Variants in ABHD5 observed in about 807,000 individuals in gnomAD.
ABHD5 encodes 1-acylglycerol-3-phosphate O-acyltransferase ABHD5.
In ABHD5, 30 loss-of-function variants were observed where a neutral mutation model predicts 44.9. That is an observed-to-expected ratio of 0.67 (90% CI 0.50 to 0.91). ABHD5 has a LOEUF of 0.91. Ranked by LOEUF, ABHD5 falls within the 40% of genes least tolerant of loss-of-function variation. The pLI is 0.00. For synonymous variants in ABHD5, 167 were observed against 147.0 expected, an observed-to-expected ratio of 1.14 and a Z score of -0.99; for missense variants, 399 against 423.4, an observed-to-expected ratio of 0.94 and a Z score of 0.50.
intron 1 of ABHD5, among the ~76,000 whole-genome samples, chr3:43,693,241 C>T (rs1231943338): frequency 6.6e-6 from 1 of 152,168 alleles, no homozygotes; most frequent in Admixed American, 6.5e-5. Flanking sequence ...ACCAGCAAGC[C>T]ATTGCTAAAT....
At chr3:43,726,946 A>T (rs1037945564), downstream of ABHD5, among the ~76,000 whole-genome samples, 1 of 152,176 alleles carries the variant, frequency 6.6e-6, no homozygotes, top group African/African-American at 2.4e-5. Context: ...TTAACTACAT[A>T]TGCTGTCTTT....
In ABHD5 at chr3:43,714,188, G is replaced by A. The variant is rs1173615147; in HGVS notation, c.662-759G>A. ...CTCGCTCTGTCGCCCAGGTTAGAGT[G>A]CAGTGGCGCGATCTTGGCTCACTAC... is the stretch of plus-strand genomic sequence containing the variant. On this transcript the variant is annotated intron_variant, in intron 4 of 6. Transcript: ENST00000644371. 2.1e-5 allele frequency among the ~76,000 whole-genome samples: 3 copies of A among 145,630 alleles called. No homozygotes were observed. In the East Asian group the frequency reaches 6.0e-4, roughly 29 times the overall value.
At chr3:43,708,571 T>A (rs2084650559) in intron 3 of ABHD5, among the ~76,000 whole-genome samples, 1 of 152,214 alleles carries the variant, frequency 6.6e-6, no homozygotes, top group Non-Finnish European at 1.5e-5. Flanking sequence ...TTCCTATTCT[T>A]GCTACTGTAA....
downstream of ABHD5, among the ~76,000 whole-genome samples, chr3:43,725,349 A>G (rs759693089): frequency 2.3e-4 from 35 of 152,184 alleles, no homozygotes; most frequent in Non-Finnish European, 1.0e-4. Flanking sequence ...TTAATTTTTA[A>G]AAATGTTATA....
At chr3:43,714,195 C>T (rs1458169013) in intron 4 of ABHD5, among the ~76,000 whole-genome samples, 4 of 145,684 alleles carry the variant, frequency 2.7e-5, no homozygotes, top group African/African-American at 7.7e-5. Flanking sequence ...AGTGCAGTGG[C>T]GCGATCTTGG....
intron 2 of ABHD5, among the ~76,000 whole-genome samples, chr3:43,701,446 G>A (rs2084541261): frequency 6.6e-6 from 1 of 152,168 alleles, no homozygotes; most frequent in African/African-American, 2.4e-5. Context: ...TATCAAAAAT[G>A]CAGCTGTTCA....
At chr3:43,726,397 C>A (rs2084878193), downstream of ABHD5, among the ~76,000 whole-genome samples, 2 of 152,020 alleles carry the variant, frequency 1.3e-5, no homozygotes, top group African/African-American at 4.8e-5. Context: ...GCACCAGGGT[C>A]AGGGGATATG....
At position 43,711,786 on chromosome 3, in the gene ABHD5, C is replaced by T. The variant is rs2084691533; in HGVS notation, c.584C>T (p.Pro195Leu). ...PDLADQDRPI[P>L]VWIRALGAAL... ...CTTGCTGATCAAGACAGACCAATTC[C>T]AGTTTGGATCAGAGCCTTGGGAGCA... is the stretch of plus-strand genomic sequence containing the variant. Residue 195 changes from proline to leucine, a missense_variant, in exon 4 of 7, where the codon CCA (proline) becomes CTA (leucine). By Grantham distance (98) the Pro-to-Leu change is moderately conservative (BLOSUM62 -3). Transcript: ENST00000644371. The T allele has an allele frequency of 1.9e-6, 3 of 1,614,180 alleles. No homozygotes were observed. Among genetic ancestry groups the T allele is most frequent in the Non-Finnish European group, 2.5e-6 (3 of 1,180,028 alleles).
At chr3:43,691,975 A>C (rs2084397947) in intron 1 of ABHD5, among the ~76,000 whole-genome samples, 1 of 152,210 alleles carries the variant, frequency 6.6e-6, no homozygotes, top group African/African-American at 2.4e-5. Flanking sequence ...TCTACACCTA[A>C]ATGACTTCTT....
In ABHD5 at chr3:43,702,409, T is replaced by C. The variant is rs780866502; in HGVS notation, c.328T>C (p.Leu110=). 9 of 1,614,120 alleles carry C rather than the reference T, an allele frequency of 5.6e-6. No homozygotes were observed. In the African/African-American group the frequency reaches 8.0e-5, roughly 14 times the overall value. ...CAGACCTGTCTATGCTTTTGACCTA[T>C]TGGGTTTTGGACGAAGTAGTAGACC... is the stretch of plus-strand genomic sequence containing the variant. ...TNRPVYAFDL[L]GFGRSSRPRF... Residue 110 remains leucine (L), a synonymous_variant, in exon 3 of 7, where the codon TTG becomes CTG. Transcript: ENST00000644371.
Position 43,715,073 on chromosome 3 carries a change from T to A in ABHD5, c.773+15T>A. ...CAGACTCCAAGGTGAGGGTTAGGATTCTCAATTCACTCTGTGTGTGTGTGT... is the reference window on the plus strand; with the variant it reads ...CAGACTCCAAGGTGAGGGTTAGGATACTCAATTCACTCTGTGTGTGTGTGT... On this transcript the variant is annotated intron_variant, in intron 5 of 6. Transcript: ENST00000644371. 1 of 1,525,046 alleles carries A rather than the reference T, an allele frequency of 6.6e-7. No individual in the cohort carries two copies. 94.5% of individuals were successfully genotyped at this position (1,525,046 alleles called of 1,614,324 possible).
chr3:43,716,286 G>T (rs537545756), intron 5 of ABHD5, among the ~76,000 whole-genome samples: 1 of 152,088 alleles, frequency 6.6e-6, no homozygotes, highest in African/African-American at 2.4e-5. Flanking sequence ...GACTCCTGAG[G>T]TTTGTTTCTA....
chr3:43,719,352 G>A lies in ABHD5; in HGVS notation c.*820G>A, dbSNP rs2084807015. On this transcript the variant is annotated 3_prime_UTR_variant, in exon 7 of 7. Coordinates refer to ENST00000644371, the MANE Select transcript of ABHD5 (RefSeq NM_016006.6). ...CATACTATTCTTTTCCATGACCCAG[G>A]ATGCAGCAAATGAAACAGATTTCTT... The A allele has an allele frequency of 1.3e-5, 2 of 152,280 alleles. No individual in the cohort carries two copies. Among genetic ancestry groups the A allele is most frequent in the African/African-American group, 4.8e-5 (2 of 41,558 alleles). 9.4% of individuals were successfully genotyped at this position (152,280 alleles called of 1,614,324 possible).
intron 3 of ABHD5, among the ~76,000 whole-genome samples, chr3:43,707,052 G>A (rs2084630024): frequency 1.3e-5 from 2 of 152,128 alleles, no homozygotes; most frequent in Admixed American, 1.3e-4. Flanking sequence ...ACAAATAAAA[G>A]CTGATCAATT....
chr3:43,717,237 T>C (rs2084776261), intron 5 of ABHD5, among the ~76,000 whole-genome samples: 1 of 151,892 alleles, frequency 6.6e-6, no homozygotes, highest in Non-Finnish European at 1.5e-5. Context: ...GATAGACCTA[T>C]CCTGAGAGCT....
chr3:43,692,938 G>T (rs2084417849), intron 1 of ABHD5, among the ~76,000 whole-genome samples: 1 of 152,180 alleles, frequency 6.6e-6, no homozygotes, highest in Admixed American at 6.5e-5. Flanking sequence ...TTATAAAATG[G>T]TCATCTGATG....
chr3:43,704,653 T>C (rs2084592879), intron 3 of ABHD5, among the ~76,000 whole-genome samples: 1 of 152,186 alleles, frequency 6.6e-6, no homozygotes, highest in South Asian at 2.1e-4. Context: ...TGTGAACTGC[T>C]CTAAAGAAAT....
downstream of ABHD5, among the ~76,000 whole-genome samples, chr3:43,724,871 A>G (rs1211009580): frequency 6.6e-6 from 1 of 152,224 alleles, no homozygotes; most frequent in African/African-American, 2.4e-5. Flanking sequence ...GCTTTGGAGA[A>G]GGACAATTCT....
In ABHD5 at chr3:43,715,374, G is replaced by C. The variant is rs537419622; in HGVS notation, c.773+316G>C. The stretch of plus-strand genomic sequence containing the variant: ...GACGGGGTTTCTCCATGTTGGTCAG[G>C]CTGGTCTTGAACTTCTGACCCCAGG... On this transcript the variant is annotated intron_variant, in intron 5 of 6. Coordinates refer to ENST00000644371, the MANE Select transcript of ABHD5 (RefSeq NM_016006.6). Among the ~76,000 whole-genome samples, 145 of 152,156 alleles carry C rather than the reference G, an allele frequency of 9.5e-4. 1 individual carries two copies. The highest frequency in any genetic ancestry group is 3.4e-3 in the African/African-American group (142 of 41,516).
Sources: allele counts gnomAD v4.1 joint callset (sites outside exome capture counted in the v4.1 genomes callset), GRCh38; gene constraint gnomAD v4.1.1; transcripts MANE v1.5; gene names NCBI Gene and HGNC (gene_info 2026-07-23, HGNC 2026-07-21).